The following ROBO1 variants were observed in gnomAD, a reference collection of about 807,000 sequenced individuals.
ROBO1 encodes roundabout homolog 1.
In ROBO1, 149 loss-of-function variants were observed where a neutral mutation model predicts 195.9. The observed-to-expected ratio is 0.76, with a 90% confidence interval of 0.67 to 0.87. The LOEUF (loss-of-function observed/expected upper bound fraction) is 0.87, where lower values mean the gene tolerates loss of function less well. Ranked by LOEUF, ROBO1 falls within the 40% of genes least tolerant of loss-of-function variation. ROBO1 has a pLI of 0.00. For synonymous variants in ROBO1, 816 were observed against 733.2 expected (o/e 1.11, Z -1.82); for missense variants, 1,933 against 2,068.3 (o/e 0.93, Z 1.27).
At chr3:79,149,176 C>T (rs766263775) in intron 2 of ROBO1, among the ~76,000 whole-genome samples, 9 of 151,880 alleles carry the variant, frequency 5.9e-5, no homozygotes, top group African/African-American at 1.7e-4. Context: ...CATACTTCTG[C>T]GTTCAGATAA....
intron 1 of ROBO1, among the ~76,000 whole-genome samples, chr3:79,592,920 A>T (rs573733733): frequency 1.3e-5 from 2 of 152,150 alleles, no homozygotes; most frequent in Admixed American, 6.6e-5. Context: ...GAACCCCTAG[A>T]AACTGCTGAT....
chr3:79,246,900 C>T (rs1033271573), intron 2 of ROBO1, among the ~76,000 whole-genome samples: 3 of 151,914 alleles, frequency 2.0e-5, no homozygotes, highest in Non-Finnish European at 4.4e-5. Context: ...GTGCCAAACA[C>T]CATGGTAAAC....
chr3:79,275,765 AAAAC>A (rs1378089532), intron 2 of ROBO1, among the ~76,000 whole-genome samples: 1 of 151,968 alleles, frequency 6.6e-6, no homozygotes, highest in Non-Finnish European at 1.5e-5. Flanking sequence ...TTGGAACTGA[AAAAC>A]AAATTCAGTA....
At chr3:79,291,967 G>T (rs1050224146) in intron 2 of ROBO1, among the ~76,000 whole-genome samples, 3 of 152,112 alleles carry the variant, frequency 2.0e-5, no homozygotes, top group Non-Finnish European at 4.4e-5. Context: ...TTTTTATTCA[G>T]AATTGTAGAA....
In ROBO1 at chr3:79,733,952, CTT is replaced by C. The variant is rs747730486; in HGVS notation, c.-51+33798_-51+33799del. 1.4e-3 allele frequency among the ~76,000 whole-genome samples: 192 copies of C among 138,690 alleles called. 1 individual carries two copies. In the East Asian group the frequency reaches 0.028, roughly 20 times the overall value. 91.0% of individuals were successfully genotyped at this position (138,690 alleles called of 152,430 possible). A position where few individuals can be genotyped will look rare whatever the true frequency, so the allele number is the denominator to read the frequency against. On this transcript the variant is annotated intron_variant, in intron 1 of 30. Coordinates refer to ENST00000464233, the MANE Select transcript of ROBO1 (RefSeq NM_002941.4). ...CATCACCATCATACAATCCTCCCATCTTTTTTTTTTTTTTTTGACAAAGTTCA... is the reference window on the plus strand; with the variant it reads ...CATCACCATCATACAATCCTCCCATCTTTTTTTTTTTTTTGACAAAGTTCA...
chr3:79,207,593 G>T (rs190768040), intron 2 of ROBO1, among the ~76,000 whole-genome samples: 1 of 152,106 alleles, frequency 6.6e-6, no homozygotes, highest in East Asian at 1.9e-4. Context: ...GATAGAATCT[G>T]GTCTGGTGTT....
intron 4 of ROBO1, among the ~76,000 whole-genome samples, chr3:78,820,326 T>A (rs2030755033): frequency 6.6e-6 from 1 of 152,202 alleles, no homozygotes; most frequent in Non-Finnish European, 1.5e-5. Flanking sequence ...TGGTTCCAAA[T>A]AATCCTATCA....
intron 4 of ROBO1, among the ~76,000 whole-genome samples, chr3:78,765,695 G>C (rs896383221): frequency 3.2e-4 from 48 of 152,224 alleles, no homozygotes; most frequent in African/African-American, 1.1e-3. Flanking sequence ...ATATGAGCAA[G>C]GCAAAGGGAT....
chr3:79,436,059 C>T (rs919456220), intron 2 of ROBO1, among the ~76,000 whole-genome samples: 3 of 152,008 alleles, frequency 2.0e-5, no homozygotes, highest in African/African-American at 7.2e-5. Context: ...CTCTATATGC[C>T]AGGAAAACAC....
chr3:78,688,975 G>A (rs2081111967), intron 8 of ROBO1, among the ~76,000 whole-genome samples: 1 of 152,158 alleles, frequency 6.6e-6, no homozygotes, highest in African/African-American at 2.4e-5. Flanking sequence ...GTTATATGAA[G>A]TTTTTTATTA....
chr3:79,544,213 A>G (rs1263623384), intron 2 of ROBO1, among the ~76,000 whole-genome samples: 2 of 151,994 alleles, frequency 1.3e-5, no homozygotes, highest in Admixed American at 1.3e-4. Flanking sequence ...AGATGTTTTC[A>G]TTATTAGATT....
intron 3 of ROBO1, among the ~76,000 whole-genome samples, chr3:79,065,005 G>A (rs1007059563): frequency 2.0e-5 from 3 of 151,902 alleles, no homozygotes; most frequent in African/African-American, 7.3e-5. Context: ...TAAGTATTAA[G>A]AAACGAAAAG....
At chr3:79,395,191 C>T (rs780538256) in intron 2 of ROBO1, among the ~76,000 whole-genome samples, 2 of 151,452 alleles carry the variant, frequency 1.3e-5, no homozygotes, top group African/African-American at 2.4e-5. Flanking sequence ...GGCGTGGTGG[C>T]GGCACCTGTG....
chr3:79,517,749 G>C (rs1941013786), intron 2 of ROBO1, among the ~76,000 whole-genome samples: 1 of 152,128 alleles, frequency 6.6e-6, no homozygotes, highest in Non-Finnish European at 1.5e-5. Flanking sequence ...GACACTTATT[G>C]AATACTTGCT....
chr3:79,589,869 G>A lies in ROBO1; in HGVS notation c.43C>T (p.Leu15Phe), dbSNP rs559358591. 3.7e-6 allele frequency: 6 copies of A among 1,611,102 alleles called. No homozygotes were observed. The Admixed American group carries it at 1.0e-4, about 27-fold the overall frequency. Residue 15 changes from leucine to phenylalanine, a missense_variant, in exon 2 of 31, where the codon CTC becomes TTC. Physicochemically the swap from Leu to Phe is conservative, Grantham distance 22. Coordinates refer to ENST00000464233, the MANE Select transcript of ROBO1 (RefSeq NM_002941.4). ...HVPFLVMISL[L>F]SLSPNHLFLA... ...AACAGGTGATTTGGGGATAAGCTGA[G>A]GAGTGATATCATGACCAAAAAAGGA...
chr3:78,637,054 T>C (rs957788082), intron 22 of ROBO1, among the ~76,000 whole-genome samples: 4 of 142,670 alleles, frequency 2.8e-5, no homozygotes, highest in African/African-American at 8.2e-5. Context: ...ATAGAAAAAT[T>C]AGTTAAATTA....
intron 1 of ROBO1, among the ~76,000 whole-genome samples, chr3:79,645,372 C>T (rs1361550144): frequency 6.6e-6 from 1 of 151,908 alleles, no homozygotes; most frequent in Non-Finnish European, 1.5e-5. Flanking sequence ...CATGGTGATG[C>T]ACACCTGTAG....
At chr3:79,656,479 A>C (rs1162506812) in intron 1 of ROBO1, among the ~76,000 whole-genome samples, 1 of 152,054 alleles carries the variant, frequency 6.6e-6, no homozygotes, top group Non-Finnish European at 1.5e-5. Flanking sequence ...ATAATAGTAT[A>C]CTTTATTGAA....
intron 5 of ROBO1, among the ~76,000 whole-genome samples, chr3:78,732,632 G>T (rs2082309575): frequency 6.6e-6 from 1 of 152,106 alleles, no homozygotes; most frequent in South Asian, 2.1e-4. Flanking sequence ...TATACATGAT[G>T]CATGGAACAA....
Sources: allele counts gnomAD v4.1 joint callset (sites outside exome capture counted in the v4.1 genomes callset), GRCh38; gene constraint gnomAD v4.1.1; transcripts MANE v1.5; gene names NCBI Gene and HGNC (gene_info 2026-07-23, HGNC 2026-07-21).